Variants in GPHN observed in about 807,000 individuals in gnomAD.
GPHN encodes the protein gephyrin.
In GPHN, 17 loss-of-function variants were observed where a neutral mutation model predicts 95.5. That is an observed-to-expected ratio of 0.18 (90% CI 0.12 to 0.27). The LOEUF is 0.27. Among genes scored for constraint, GPHN ranks in the 10% least tolerant of loss-of-function variants. The pLI, the probability that GPHN is intolerant of heterozygous loss-of-function variation, is 1.00. For missense variants in GPHN, 660 were observed against 978.1 expected (o/e 0.67, Z 4.34); for synonymous variants, 320 against 322.5 (o/e 0.99, Z 0.08).
At chr14:67,229,691 T>A in the GPHN span, among the ~76,000 whole-genome samples, 1 of 152,220 alleles carries the variant, frequency 6.6e-6, no homozygotes, top group Non-Finnish European at 1.5e-5. Flanking sequence ...TGTATTATAT[T>A]GATTATATGT....
the GPHN span, among the ~76,000 whole-genome samples, chr14:67,531,744 A>AT: frequency 8.2e-3 from 1,076 of 131,102 alleles, 5 homozygotes; most frequent in Non-Finnish European, 0.012. Context: ...AAAAAAAAAA[A>AT]TTTTTTTTTT....
chr14:67,647,012 C>T, the GPHN span: 1 of 1,609,784 alleles, frequency 6.2e-7, no homozygotes, highest in Non-Finnish European at 8.5e-7. Flanking sequence ...AACATTTGAT[C>T]TGCTGATTGG....
intron 3 of GPHN, among the ~76,000 whole-genome samples, chr14:66,777,871 T>C (rs1455034183): frequency 1.6e-4 from 24 of 152,268 alleles, no homozygotes; most frequent in Admixed American, 4.6e-4. Context: ...AATATCATAC[T>C]GAATGGACAA....
intron 11 of GPHN, among the ~76,000 whole-genome samples, chr14:67,065,101 T>C (rs1856186514): frequency 6.6e-6 from 1 of 152,248 alleles, no homozygotes; most frequent in African/African-American, 2.4e-5. Context: ...CACACTGCTT[T>C]AAATGTGTCC....
At chr14:66,715,834 T>C (rs905284702) in intron 2 of GPHN, among the ~76,000 whole-genome samples, 2 of 152,182 alleles carry the variant, frequency 1.3e-5, no homozygotes, top group Non-Finnish European at 2.9e-5. Flanking sequence ...TCTGCTGTGG[T>C]CTGAGAGAGT....
chr14:66,657,215 C>T (rs1012813328), intron 1 of GPHN, among the ~76,000 whole-genome samples: 8 of 152,214 alleles, frequency 5.3e-5, no homozygotes, highest in African/African-American at 9.6e-5. Flanking sequence ...GGGCAAGGCC[C>T]GAATTCTCTT....
the GPHN span, chr14:67,588,239 C>A: frequency 6.6e-6 from 1 of 152,630 alleles, no homozygotes; most frequent in African/African-American, 2.4e-5. Flanking sequence ...GACTGGACAG[C>A]GCTCGGTGAA....
chr14:66,871,762 TG>T (rs1596224202), intron 4 of GPHN, among the ~76,000 whole-genome samples: 2 of 146,854 alleles, frequency 1.4e-5, no homozygotes, highest in Non-Finnish European at 3.0e-5. Context: ...CAACACACAC[TG>T]GGGCCTGTCG....
intron 1 of GPHN, among the ~76,000 whole-genome samples, chr14:66,582,123 G>GT (rs1320292340): frequency 1.3e-5 from 2 of 151,974 alleles, no homozygotes; most frequent in East Asian, 3.9e-4. Flanking sequence ...AGGATAGATC[G>GT]TAAGTCAGAC....
chr14:66,939,798 A>G (rs1400626629), intron 8 of GPHN, among the ~76,000 whole-genome samples: 1 of 152,220 alleles, frequency 6.6e-6, no homozygotes, highest in African/African-American at 2.4e-5. Flanking sequence ...CTGTTTTGGT[A>G]AACAGCAGTC....
chr14:67,147,996 A>AT (rs2080996658), intron 18 of GPHN, among the ~76,000 whole-genome samples: 1 of 152,118 alleles, frequency 6.6e-6, no homozygotes, highest in Non-Finnish European at 1.5e-5. Flanking sequence ...AGAAAAGCAC[A>AT]TTTTTTCCTA....
At chr14:66,965,755 T>G (rs1488786936) in intron 9 of GPHN, among the ~76,000 whole-genome samples, 1 of 152,200 alleles carries the variant, frequency 6.6e-6, no homozygotes, top group Non-Finnish European at 1.5e-5. Flanking sequence ...TGCTCTAGTA[T>G]CATTCCAAAT....
chr14:67,526,072 T>G, the GPHN span, among the ~76,000 whole-genome samples: 8 of 152,194 alleles, frequency 5.3e-5, no homozygotes, highest in Non-Finnish European at 1.5e-5. Context: ...TCTACCTGAT[T>G]CCTTTGTGTG....
intron 19 of GPHN, among the ~76,000 whole-genome samples, chr14:67,163,454 G>T (rs2082079710): frequency 6.6e-6 from 1 of 151,732 alleles, no homozygotes; most frequent in African/African-American, 2.4e-5. Context: ...GCATTACAGG[G>T]TGCCACAGGA....
the GPHN span, chr14:67,592,454 G>A: frequency 3.6e-6 from 2 of 561,912 alleles, no homozygotes; most frequent in African/African-American, 1.9e-5. Flanking sequence ...AAAATAAAAT[G>A]TGCATGAATA....
At chr14:67,727,290 T>C in the GPHN span, 5 of 851,314 alleles carry the variant, frequency 5.9e-6, no homozygotes, top group Non-Finnish European at 9.6e-6. Flanking sequence ...CACGTGTCAG[T>C]AATATCTCTG....
the GPHN span, among the ~76,000 whole-genome samples, chr14:67,358,950 TC>T: frequency 2.5e-4 from 38 of 152,188 alleles, no homozygotes; most frequent in African/African-American, 9.2e-4. Context: ...CACTCTTTCA[TC>T]CTGGAGAGAG....
the GPHN span, among the ~76,000 whole-genome samples, chr14:67,512,009 A>G: frequency 6.6e-6 from 1 of 152,234 alleles, no homozygotes; most frequent in African/African-American, 2.4e-5. Context: ...TGAGGCAAAT[A>G]TACGTCTTGA....
chr14:67,273,530 C>T, the GPHN span, among the ~76,000 whole-genome samples: 1 of 152,112 alleles, frequency 6.6e-6, no homozygotes, highest in Non-Finnish European at 1.5e-5. Context: ...CATTGATGGA[C>T]ATTTGGGTTG....
Sources: gnomAD v4.1 joint callset for allele counts (sites outside exome capture counted in the v4.1 genomes callset) on GRCh38, gnomAD v4.1.1 for gene constraint, MANE v1.5 for transcripts, NCBI Gene and HGNC (gene_info 2026-07-23, HGNC 2026-07-21) for gene names.